Variants in NBAS observed in about 807,000 individuals in gnomAD.
NBAS encodes the protein NAG/BC035112 fusion.
Under a neutral mutation model 302.5 loss-of-function variants are expected in NBAS, and 219 were observed. That is an observed-to-expected ratio of 0.72 (90% CI 0.65 to 0.81). The LOEUF (loss-of-function observed/expected upper bound fraction) is 0.81, where lower values mean the gene tolerates loss of function less well. NBAS is among the 30% of genes least tolerant of loss of function. The pLI, the probability that NBAS is intolerant of heterozygous loss-of-function variation, is 0.00. For synonymous variants in NBAS, 1,118 were observed against 1,021.6 expected (o/e 1.09, Z -1.80); for missense variants, 2,932 against 2,841.6 (o/e 1.03, Z -0.72).
At chr2:14,880,703 G>T in the NBAS span, among the ~76,000 whole-genome samples, 1 of 151,646 alleles carries the variant, frequency 6.6e-6, no homozygotes, top group Admixed American at 6.6e-5. Context: ...AATAAAAGAG[G>T]ATTCAACATA....
chr2:14,892,557 C>T, the NBAS span, among the ~76,000 whole-genome samples: 64 of 151,856 alleles, frequency 4.2e-4, 1 homozygote, highest in East Asian at 0.011. Flanking sequence ...GACTCTATGG[C>T]TGCTATTTAA....
the NBAS span, among the ~76,000 whole-genome samples, chr2:14,948,825 T>C: frequency 2.0e-5 from 3 of 152,094 alleles, no homozygotes; most frequent in East Asian, 3.8e-4. Flanking sequence ...ATCACATCTT[T>C]ACTGCAAAGT....
At chr2:15,553,595 T>A in intron 4 of NBAS, 122 bp from the exon 5 acceptor site, 1 of 915,714 alleles carries the variant, frequency 1.1e-6, no homozygotes, top group South Asian at 1.4e-5. Context: ...ATGCTTTAAT[T>A]ATCCATCTTT....
chr2:14,894,283 T>C, the NBAS span, among the ~76,000 whole-genome samples: 1 of 152,116 alleles, frequency 6.6e-6, no homozygotes, highest in Non-Finnish European at 1.5e-5. Flanking sequence ...GGCAGAGGCT[T>C]CCCGATGATT....
At chr2:15,165,944 G>A (rs548133631), downstream of NBAS, among the ~76,000 whole-genome samples, 24 of 152,268 alleles carry the variant, frequency 1.6e-4, no homozygotes, top group South Asian at 1.5e-3. Context: ...AGACCAGCAC[G>A]CCTTAGTGTA....
At chr2:14,903,610 T>C in the NBAS span, among the ~76,000 whole-genome samples, 1 of 152,202 alleles carries the variant, frequency 6.6e-6, no homozygotes, top group African/African-American at 2.4e-5. Context: ...ACATTGGCAG[T>C]ATCACTATCC....
chr2:15,173,728 A>G (rs1279366862), intron 51 of NBAS, among the ~76,000 whole-genome samples: 1 of 152,136 alleles, frequency 6.6e-6, no homozygotes, highest in Non-Finnish European at 1.5e-5. Flanking sequence ...GACGGAGACA[A>G]TCTTTGAAAA....
chr2:15,133,870 T>G, the NBAS span, among the ~76,000 whole-genome samples: 1 of 152,156 alleles, frequency 6.6e-6, no homozygotes, highest in East Asian at 1.9e-4. Flanking sequence ...GATTGAATGA[T>G]CACTCTTTAT....
At chr2:15,149,182 C>T in the NBAS span, among the ~76,000 whole-genome samples, 1 of 152,192 alleles carries the variant, frequency 6.6e-6, no homozygotes, top group Non-Finnish European at 1.5e-5. Flanking sequence ...ATGATTAATG[C>T]TGTTACCACA....
At chr2:14,788,160 C>T in the NBAS span, among the ~76,000 whole-genome samples, 2 of 152,208 alleles carry the variant, frequency 1.3e-5, no homozygotes, top group Non-Finnish European at 2.9e-5. Flanking sequence ...CGAGGCTTGG[C>T]TTTCAGCTCC....
intron 33 of NBAS, among the ~76,000 whole-genome samples, chr2:15,355,811 A>C (rs911524507): frequency 6.6e-6 from 1 of 152,052 alleles, no homozygotes; most frequent in African/African-American, 2.4e-5. Flanking sequence ...ATGCTGCCCT[A>C]CTTCCTGTAC....
the NBAS span, among the ~76,000 whole-genome samples, chr2:14,803,236 C>T: frequency 6.6e-6 from 1 of 152,104 alleles, no homozygotes; most frequent in Admixed American, 6.5e-5. Flanking sequence ...CAATTCCTGG[C>T]CCTGTGTGAC....
chr2:15,345,227 T>G (rs147759857), intron 35 of NBAS, among the ~76,000 whole-genome samples: 4 of 152,174 alleles, frequency 2.6e-5, no homozygotes, highest in African/African-American at 9.7e-5. Context: ...TGTCTCTGTT[T>G]GCAGACGACC....
the NBAS span, among the ~76,000 whole-genome samples, chr2:14,946,229 T>C: frequency 1.3e-5 from 2 of 152,124 alleles, no homozygotes; most frequent in Non-Finnish European, 2.9e-5. Flanking sequence ...GACAGGAAGA[T>C]CTGAGAATAC....
At chr2:14,954,234 G>A in the NBAS span, among the ~76,000 whole-genome samples, 6 of 152,208 alleles carry the variant, frequency 3.9e-5, no homozygotes, top group Non-Finnish European at 8.8e-5. Context: ...TTCCCAGGAT[G>A]TGCTAAAATG....
chr2:15,194,127 G>A (rs4668882), intron 48 of NBAS, among the ~76,000 whole-genome samples: 27,499 of 151,902 alleles, frequency 0.18, 3,354 homozygotes, highest in East Asian at 0.49. Flanking sequence ...GAGAAAGAGC[G>A]TGAAGCTAAA....
At chr2:14,803,557 A>T in the NBAS span, among the ~76,000 whole-genome samples, 3 of 152,140 alleles carry the variant, frequency 2.0e-5, no homozygotes, top group Admixed American at 2.0e-4. Context: ...GTTTCCCATC[A>T]CTTAAAGATC....
chr2:14,839,384 A>T, the NBAS span, among the ~76,000 whole-genome samples: 1 of 152,062 alleles, frequency 6.6e-6, no homozygotes, highest in African/African-American at 2.4e-5. Flanking sequence ...GCAGGAGATC[A>T]GTCCTTACCT....
chr2:15,320,228 G>C (rs1183189698), intron 38 of NBAS, among the ~76,000 whole-genome samples: 1 of 152,076 alleles, frequency 6.6e-6, no homozygotes, highest in Non-Finnish European at 1.5e-5. Flanking sequence ...CAATAAACTA[G>C]GTACTGATGG....
Sources: gnomAD v4.1 joint callset for allele counts (sites outside exome capture counted in the v4.1 genomes callset) on GRCh38, gnomAD v4.1.1 for gene constraint, MANE v1.5 for transcripts, NCBI Gene and HGNC (gene_info 2026-07-23, HGNC 2026-07-21) for gene names.